NKAIN2: variants seen among roughly 807,000 people sequenced by gnomAD.
NKAIN2 encodes the protein sodium/potassium-transporting ATPase subunit beta-1-interacting protein 2.
In NKAIN2, 14 loss-of-function variants were observed where a neutral mutation model predicts 32.6. The ratio of observed to expected loss-of-function variants is 0.43; its 90% confidence interval spans 0.28 to 0.67. The LOEUF is 0.67. Among genes scored for constraint, NKAIN2 ranks in the 30% least tolerant of loss-of-function variants. The pLI is 0.17. For synonymous variants in NKAIN2, 80 were observed against 87.2 expected (o/e 0.92, Z 0.46); for missense variants, 198 against 258.3 (o/e 0.77, Z 1.60).
chr6:124,476,063 A>AGT (rs772864587), intron 3 of NKAIN2, among the ~76,000 whole-genome samples: 106 of 115,112 alleles, frequency 9.2e-4, no homozygotes, highest in African/African-American at 3.6e-3. Flanking sequence ...AGAGAGAGAG[A>AGT]GAGTGTGTGT....
At chr6:124,211,495 T>C (rs1207687652) in intron 1 of NKAIN2, among the ~76,000 whole-genome samples, 1 of 151,922 alleles carries the variant, frequency 6.6e-6, no homozygotes, top group Non-Finnish European at 1.5e-5. Flanking sequence ...AAAATTGAGT[T>C]TGACAGTAGA....
At chr6:124,011,907 A>C (rs1221367391) in intron 1 of NKAIN2, among the ~76,000 whole-genome samples, 1 of 152,166 alleles carries the variant, frequency 6.6e-6, no homozygotes, top group African/African-American at 2.4e-5. Flanking sequence ...GATTATGAAC[A>C]TCAATGGGCT....
intron 1 of NKAIN2, among the ~76,000 whole-genome samples, chr6:124,231,013 A>C (rs1027112090): frequency 6.6e-6 from 1 of 152,154 alleles, no homozygotes; most frequent in Non-Finnish European, 1.5e-5. Flanking sequence ...AATGCCAGAC[A>C]GTGAAAGCAG....
At chr6:124,201,059 T>C (rs1790566054) in intron 1 of NKAIN2, among the ~76,000 whole-genome samples, 1 of 152,048 alleles carries the variant, frequency 6.6e-6, no homozygotes, top group Non-Finnish European at 1.5e-5. Flanking sequence ...TTTAAATTAA[T>C]ACATAGACTT....
At chr6:124,677,685 G>C (rs532014245) in intron 4 of NKAIN2, among the ~76,000 whole-genome samples, 6 of 152,042 alleles carry the variant, frequency 3.9e-5, no homozygotes, top group Non-Finnish European at 7.4e-5. Context: ...TATTTTTATA[G>C]TAATAGTTAT....
chr6:124,348,592 T>C (rs1475058031), intron 2 of NKAIN2, among the ~76,000 whole-genome samples: 1 of 152,206 alleles, frequency 6.6e-6, no homozygotes, highest in Non-Finnish European at 1.5e-5. Context: ...CTCAGACTGC[T>C]GTGCTAGCAA....
chr6:124,719,088 A>G (rs1158512686), intron 4 of NKAIN2, among the ~76,000 whole-genome samples: 1 of 152,174 alleles, frequency 6.6e-6, no homozygotes, highest in Non-Finnish European at 1.5e-5. Flanking sequence ...TAAAAGAAAA[A>G]AGGAAAAATG....
At chr6:124,336,612 G>C (rs922075135) in intron 2 of NKAIN2, among the ~76,000 whole-genome samples, 1 of 150,638 alleles carries the variant, frequency 6.6e-6, no homozygotes, top group Non-Finnish European at 1.5e-5. Context: ...TTTAAACCAC[G>C]TGTAATTTAG....
chr6:123,862,731 T>A (rs1389999364), intron 1 of NKAIN2, among the ~76,000 whole-genome samples: 1 of 152,142 alleles, frequency 6.6e-6, no homozygotes, highest in Non-Finnish European at 1.5e-5. Flanking sequence ...TCATAACCTG[T>A]CTCCATGTTG....
chr6:123,911,799 A>ATATGTGTATATATATATATG (rs1562253388), intron 1 of NKAIN2, among the ~76,000 whole-genome samples: 1 of 99,308 alleles, frequency 1.0e-5, no homozygotes, highest in Non-Finnish European at 1.9e-5. Flanking sequence ...ATATATATAT[A>ATATGTGTATATATATATATG]TGTATATATA....
chr6:124,211,211 C>A (rs2114660609), intron 1 of NKAIN2, among the ~76,000 whole-genome samples: 1 of 151,912 alleles, frequency 6.6e-6, no homozygotes, highest in South Asian at 2.1e-4. Context: ...AATAAAATTA[C>A]TTGGATTTTT....
chr6:124,543,908 C>T (rs1779998567), intron 3 of NKAIN2, among the ~76,000 whole-genome samples: 1 of 152,112 alleles, frequency 6.6e-6, no homozygotes, highest in East Asian at 1.9e-4. Context: ...CCAGGTAGTG[C>T]AGACCAGGTA....
chr6:123,844,532 T>A (rs927057491), intron 1 of NKAIN2, among the ~76,000 whole-genome samples: 4 of 152,198 alleles, frequency 2.6e-5, no homozygotes, highest in Admixed American at 6.5e-5. Context: ...GTAGCTAACC[T>A]ATACACATGT....
intron 1 of NKAIN2, among the ~76,000 whole-genome samples, chr6:123,941,741 T>C (rs764549992): frequency 6.6e-6 from 1 of 151,890 alleles, no homozygotes; most frequent in African/African-American, 2.4e-5. Flanking sequence ...TGCTTCGGGG[T>C]TCAGAAAGAA....
In NKAIN2 at chr6:124,574,043, C is replaced by T. The variant is rs541656733; in HGVS notation, c.274-84143C>T. Among the ~76,000 whole-genome samples the T allele has an allele frequency of 2.6e-5, 4 of 152,200 alleles. No homozygotes were observed. The South Asian group carries it at 8.3e-4, about 32-fold the overall frequency. ...TGGAAAAGCTCTGTGCATTGACATG[C>T]ACAATCTTAGGCATTGGGGGCAATT... On this transcript the variant is annotated intron_variant, in intron 3 of 6. Coordinates refer to ENST00000368417, the MANE Select transcript of NKAIN2 (RefSeq NM_001040214.3).
intron 1 of NKAIN2, among the ~76,000 whole-genome samples, chr6:124,112,883 G>A (rs188846943): frequency 6.5e-4 from 98 of 151,378 alleles, no homozygotes; most frequent in African/African-American, 2.3e-3. Flanking sequence ...GGTCACTTGT[G>A]TTCTTCAGCT....
At chr6:124,012,334 ATT>A (rs36026416) in intron 1 of NKAIN2, among the ~76,000 whole-genome samples, 9 of 123,154 alleles carry the variant, frequency 7.3e-5, no homozygotes, top group Admixed American at 8.8e-5. Flanking sequence ...ACTCTACATG[ATT>A]TTTTTTTTTT....
Position 124,017,247 on chromosome 6 carries a change from C to A in NKAIN2, c.54+212993C>A, listed in dbSNP as rs150608741. 3.4e-3 allele frequency among the ~76,000 whole-genome samples: 515 copies of A among 152,130 alleles called. 1 individual carries two copies. The highest frequency in any genetic ancestry group is 3.4e-3 in the Non-Finnish European group (231 of 68,000). ...GAACAGTATGGGAAAGACCCGCCCC[C>A]GTGATTTAATTACTTCCCATAGGGT... On this transcript the variant is annotated intron_variant, in intron 1 of 6. Transcript: ENST00000368417.
intron 3 of NKAIN2, among the ~76,000 whole-genome samples, chr6:124,517,298 T>C (rs1213567670): frequency 6.6e-6 from 1 of 152,188 alleles, no homozygotes; most frequent in Non-Finnish European, 1.5e-5. Flanking sequence ...AGCAATATTA[T>C]AAAACCATTG....
Sources: gnomAD v4.1 joint callset for allele counts (sites outside exome capture counted in the v4.1 genomes callset) on GRCh38, gnomAD v4.1.1 for gene constraint, MANE v1.5 for transcripts, NCBI Gene and HGNC (gene_info 2026-07-23, HGNC 2026-07-21) for gene names.